BNC2: variants seen among roughly 807,000 people sequenced by gnomAD.
BNC2 encodes zinc finger protein basonuclin-2.
Under a neutral mutation model 76.3 loss-of-function variants are expected in BNC2, and 20 were observed. The observed-to-expected ratio is 0.26, with a 90% CI of 0.18 to 0.38. The LOEUF (loss-of-function observed/expected upper bound fraction) is 0.38, where lower values mean the gene tolerates loss of function less well. Ranked by LOEUF, BNC2 falls within the 10% of genes least tolerant of loss-of-function variation. The pLI, the probability that BNC2 is intolerant of heterozygous loss-of-function variation, is 1.00. For synonymous variants in BNC2, 582 were observed against 514.8 expected, an observed-to-expected ratio of 1.13 and a Z score of -1.77; for missense variants, 1,382 against 1,399.8, an observed-to-expected ratio of 0.99 and a Z score of 0.20.
At chr9:16,512,807 C>G (rs949278338) in intron 5 of BNC2, among the ~76,000 whole-genome samples, 1 of 152,006 alleles carries the variant, frequency 6.6e-6, no homozygotes, top group Non-Finnish European at 1.5e-5. Flanking sequence ...TGGCATAAAG[C>G]ATAACTTTCT....
chr9:16,557,928 G>A (rs1011251204), intron 4 of BNC2, among the ~76,000 whole-genome samples: 1 of 151,548 alleles, frequency 6.6e-6, no homozygotes, highest in Non-Finnish European at 1.5e-5. Context: ...TGGCAGGATC[G>A]CGGCTCCCCA....
At chr9:16,570,720 T>TA (rs150939597) in intron 4 of BNC2, among the ~76,000 whole-genome samples, 2,363 of 152,312 alleles carry the variant, frequency 0.016, 51 homozygotes, top group South Asian at 0.1. Context: ...TAGGGAAACC[T>TA]AAAGTTACCA....
intron 1 of BNC2, among the ~76,000 whole-genome samples, chr9:16,765,838 G>C (rs968546910): frequency 6.6e-6 from 1 of 150,870 alleles, no homozygotes; most frequent in Admixed American, 6.6e-5. Flanking sequence ...CCAGGCTGGA[G>C]TGCAGTGGCA....
intron 3 of BNC2, among the ~76,000 whole-genome samples, chr9:16,718,419 GTA>G (rs1824053084): frequency 6.6e-6 from 1 of 152,176 alleles, no homozygotes; most frequent in African/African-American, 2.4e-5. Context: ...GATAGGACTG[GTA>G]ACATATTTTA....
At chr9:16,561,564 A>AAGATT (rs33996098) in intron 4 of BNC2, among the ~76,000 whole-genome samples, 30,600 of 151,918 alleles carry the variant, frequency 0.2, 5,631 homozygotes, top group African/African-American at 0.49. Flanking sequence ...CAAGTACATG[A>AAGATT]ATTCATTCTT....
intron 3 of BNC2, among the ~76,000 whole-genome samples, chr9:16,618,620 A>G (rs1007223013): frequency 6.6e-6 from 1 of 152,184 alleles, no homozygotes; most frequent in Non-Finnish European, 1.5e-5. Context: ...GTTCTCCAAA[A>G]CTATGAATCA....
chr9:16,758,464 G>A (rs7868731), intron 1 of BNC2, among the ~76,000 whole-genome samples: 123,127 of 151,922 alleles, frequency 0.81, 51,334 homozygotes, highest in Non-Finnish European at 0.91. Context: ...CCAAGTAGCT[G>A]GGACTACAGG....
intron 1 of BNC2, among the ~76,000 whole-genome samples, chr9:16,827,667 A>G (rs993954264): frequency 1.3e-5 from 2 of 152,226 alleles, no homozygotes; most frequent in African/African-American, 2.4e-5. Flanking sequence ...AGTACTGGTG[A>G]AAGAACAAGA....
intron 5 of BNC2, among the ~76,000 whole-genome samples, chr9:16,538,213 G>T (rs1224534973): frequency 6.6e-6 from 1 of 152,164 alleles, no homozygotes; most frequent in Non-Finnish European, 1.5e-5. Context: ...CTGCTTTTCA[G>T]AAGAACCTAC....
At chr9:16,614,755 T>G (rs79121835) in intron 3 of BNC2, among the ~76,000 whole-genome samples, 1 of 151,902 alleles carries the variant, frequency 6.6e-6, no homozygotes, top group Non-Finnish European at 1.5e-5. Flanking sequence ...AAGACCAGCC[T>G]TGGCAACACA....
chr9:16,596,443 T>C (rs893752917), intron 3 of BNC2, among the ~76,000 whole-genome samples: 1 of 152,086 alleles, frequency 6.6e-6, no homozygotes, highest in Non-Finnish European at 1.5e-5. Context: ...ACTAGGTAAA[T>C]TGCAAAACCC....
In BNC2 at chr9:16,755,667, T is replaced by G. The variant is rs550523026; in HGVS notation, c.4-17182A>C. Among the ~76,000 whole-genome samples, 7 of 152,228 alleles carry G rather than the reference T, an allele frequency of 4.6e-5. No individual in the cohort carries two copies. In the East Asian group the frequency reaches 1.4e-3, roughly 29 times the overall value. ...CTAGATCTCCCTTCTCCACTATGAA[T>G]GCACTCCTGTCATTTCCGGGGCAGT... On this transcript the variant is annotated intron_variant, in intron 1 of 6. Coordinates refer to ENST00000380672, the MANE Select transcript of BNC2 (RefSeq NM_017637.6).
rs1337831667 is a variant in BNC2 at position 16,575,466 on chromosome 9, G to C, written c.433+7517C>G. On this transcript the variant is annotated intron_variant, in intron 4 of 6. Coordinates refer to ENST00000380672, the MANE Select transcript of BNC2 (RefSeq NM_017637.6). ...GGCAGACAGCCCAGGACTTTGAAGGGGAGGCACTGTTTGCGCTGGGTTTAA... is the reference window on the plus strand; with the variant it reads ...GGCAGACAGCCCAGGACTTTGAAGGCGAGGCACTGTTTGCGCTGGGTTTAA... 7.1e-6 allele frequency: 7 copies of C among 984,654 alleles called. No homozygotes were observed. In the African/African-American group the frequency reaches 1.0e-4, roughly 15 times the overall value. 61.0% of individuals were successfully genotyped at this position (984,654 alleles called of 1,614,324 possible).
intron 3 of BNC2, among the ~76,000 whole-genome samples, chr9:16,703,675 G>T (rs1436799221): frequency 1.3e-5 from 2 of 152,040 alleles, no homozygotes; most frequent in East Asian, 1.9e-4. Flanking sequence ...AAACTCAGGG[G>T]TCTATCTTGA....
At chr9:16,684,305 A>G (rs942952010) in intron 3 of BNC2, among the ~76,000 whole-genome samples, 52 of 152,152 alleles carry the variant, frequency 3.4e-4, no homozygotes, top group Non-Finnish European at 2.9e-4. Context: ...TGTCACACAC[A>G]AGCTGTTAGC....
chr9:16,441,126 G>A (rs1454930636), intron 5 of BNC2, among the ~76,000 whole-genome samples: 1 of 152,070 alleles, frequency 6.6e-6, no homozygotes, highest in Non-Finnish European at 1.5e-5. Flanking sequence ...AGGCAACATG[G>A]CAAGACCCTG....
At chr9:16,498,689 C>T (rs76610943) in intron 5 of BNC2, among the ~76,000 whole-genome samples, 19,073 of 150,572 alleles carry the variant, frequency 0.13, 1,458 homozygotes, top group East Asian at 0.28. Flanking sequence ...AATCTATAAT[C>T]AAGAAAAAAA....
intron 1 of BNC2, among the ~76,000 whole-genome samples, chr9:16,748,184 A>C (rs1825065831): frequency 6.6e-6 from 1 of 152,176 alleles, no homozygotes; most frequent in South Asian, 2.1e-4. Flanking sequence ...TACTTCTAAA[A>C]TGGGGCTAAG....
chr9:16,696,832 A>G (rs1193247425), intron 3 of BNC2, among the ~76,000 whole-genome samples: 1 of 152,250 alleles, frequency 6.6e-6, no homozygotes, highest in African/African-American at 2.4e-5. Flanking sequence ...TAGAAACTCA[A>G]GATGCAAAAA....
Sources: gnomAD v4.1 joint callset for allele counts (sites outside exome capture counted in the v4.1 genomes callset) on GRCh38, gnomAD v4.1.1 for gene constraint, MANE v1.5 for transcripts, NCBI Gene and HGNC (gene_info 2026-07-23, HGNC 2026-07-21) for gene names.